Variants in SLC22A13 observed in about 807,000 individuals in gnomAD.
SLC22A13 encodes the protein solute carrier family 22 member 13, also known as organic anion transporter 10.
SLC22A13 carries 42 observed loss-of-function variants against 49.1 expected under a neutral mutation model. The ratio of observed to expected loss-of-function variants is 0.85; its 90% CI spans 0.67 to 1.11. The LOEUF is 1.11. Ranked by LOEUF, SLC22A13 falls within the 50% of genes least tolerant of loss-of-function variation. SLC22A13 has a pLI of 0.00. For missense variants in SLC22A13, 694 were observed against 712.8 expected (o/e 0.97, Z 0.30); for synonymous variants, 282 against 293.1 (o/e 0.96, Z 0.39).
In SLC22A13 at chr3:38,271,223, T is replaced by C. The variant is rs1703516459; in HGVS notation, c.379-3049T>C. 2.6e-5 allele frequency among the ~76,000 whole-genome samples: 4 copies of C among 152,250 alleles called. No homozygotes were observed. In the South Asian group the frequency reaches 8.3e-4, roughly 32 times the overall value. ...CTGTGTGCTCTTGAAGGTCAGAATA[T>C]GTTTCTCCTTTTCAACCTACATTTC... is the stretch of plus-strand genomic sequence containing the variant. On this transcript the variant is annotated intron_variant, in intron 1 of 9. Coordinates refer to ENST00000311856, the MANE Select transcript of SLC22A13 (RefSeq NM_004256.4).
chr3:38,271,005 T>C (rs1428130694), intron 1 of SLC22A13, among the ~76,000 whole-genome samples: 3 of 152,198 alleles, frequency 2.0e-5, no homozygotes, highest in African/African-American at 7.2e-5. Context: ...CCAAGCTCAG[T>C]TCCAGAGTGC....
chr3:38,273,367 T>C (rs915045251), intron 1 of SLC22A13, among the ~76,000 whole-genome samples: 19 of 152,194 alleles, frequency 1.2e-4, no homozygotes, highest in African/African-American at 4.3e-4. Context: ...GTCACACACC[T>C]GCACATTCTC....
intron 9 of SLC22A13, 36 bp downstream of exon 9, chr3:38,277,163 G>A: frequency 4.0e-6 from 6 of 1,493,780 alleles, no homozygotes; most frequent in Non-Finnish European, 5.5e-6. Flanking sequence ...CACGACTTGG[G>A]TCTCACATTG....
intron 1 of SLC22A13, among the ~76,000 whole-genome samples, chr3:38,273,097 G>A (rs555678210): frequency 1.3e-5 from 2 of 152,334 alleles, no homozygotes; most frequent in South Asian, 4.1e-4. Context: ...TGGGAAGCTG[G>A]AGGAGAGCTC....
At chr3:38,271,672 G>A (rs1439066022) in intron 1 of SLC22A13, among the ~76,000 whole-genome samples, 5 of 152,066 alleles carry the variant, frequency 3.3e-5, no homozygotes, top group Non-Finnish European at 7.3e-5. Context: ...AGTAGGAATA[G>A]GAGAGAAGGG....
chr3:38,273,626 A>C (rs1703544821), intron 1 of SLC22A13, among the ~76,000 whole-genome samples: 1 of 152,202 alleles, frequency 6.6e-6, no homozygotes, highest in East Asian at 1.9e-4. Context: ...GATTTGTCAC[A>C]GGGTTCCAAA....
chr3:38,266,301 T>G (rs1703464133), intron 1 of SLC22A13, 63 bp downstream of exon 1: 2 of 1,552,788 alleles, frequency 1.3e-6, no homozygotes, highest in African/African-American at 2.7e-5. Flanking sequence ...TGTGCCTGAC[T>G]CTTCGCCCTC....
In SLC22A13 at chr3:38,265,950, C is replaced by T; in HGVS notation, c.90C>T (p.Phe30=). The T allele has an allele frequency of 6.2e-7, 1 of 1,614,196 alleles. No individual in the cohort carries two copies. The highest frequency in any genetic ancestry group is 8.5e-7 in the Non-Finnish European group (1 of 1,180,034). ...QLLILLCVLN[F]LSPFYFFAHV... ...TGATCCTGCTGTGTGTTCTCAACTTCCTGTCTCCCTTCTACTTTTTTGCCC... is the reference window on the plus strand; with the variant it reads ...TGATCCTGCTGTGTGTTCTCAACTTTCTGTCTCCCTTCTACTTTTTTGCCC... The change falls in exon 1 of 10, where the codon TTC becomes TTT. Residue 30 remains phenylalanine, a synonymous_variant. Transcript: ENST00000311856.
In SLC22A13 at chr3:38,278,086, CA is replaced by C. The variant is rs1703607955; in HGVS notation, c.*623del. ...CCTTGTGTTCACTTCAAAGATGGCCCAACCCCCGCCCTACACTCAGCTCATG... is the reference window on the plus strand; with the variant it reads ...CCTTGTGTTCACTTCAAAGATGGCCCACCCCCGCCCTACACTCAGCTCATG... On this transcript the variant is annotated 3_prime_UTR_variant, in exon 10 of 10. Transcript: ENST00000311856. The C allele has an allele frequency of 1.3e-5, 2 of 152,344 alleles. No homozygotes were observed. Among genetic ancestry groups the C allele is most frequent in the Admixed American group, 1.3e-4 (2 of 15,280 alleles). 9.4% of individuals were successfully genotyped at this position (152,344 alleles called of 1,614,324 possible).
At chr3:38,276,134 C>T (rs1311456993) in intron 7 of SLC22A13, 38 bp downstream of exon 7, 1 of 1,567,318 alleles carries the variant, frequency 6.4e-7, no homozygotes, top group Non-Finnish European at 8.8e-7. Flanking sequence ...CATGCCCCCT[C>T]ACCCACCGGC....
chr3:38,268,825 T>C (rs1045127610), intron 1 of SLC22A13, among the ~76,000 whole-genome samples: 3 of 152,292 alleles, frequency 2.0e-5, no homozygotes, highest in Non-Finnish European at 2.9e-5. Flanking sequence ...TTTTCTAAAC[T>C]AGATCTAGGA....
chr3:38,278,190 C>G lies in SLC22A13; in HGVS notation c.*725C>G, dbSNP rs1159717555. ...TCTGCTCCCCGCCTCACCCCGCCTC[C>G]TCCTGCTCATGCTCAGCTGCTTCTG... On this transcript the variant is annotated 3_prime_UTR_variant, in exon 10 of 10. Coordinates refer to ENST00000311856, the MANE Select transcript of SLC22A13 (RefSeq NM_004256.4). 1 of 152,778 alleles carries G rather than the reference C, an allele frequency of 6.5e-6. No homozygotes were observed. The highest frequency in any genetic ancestry group is 1.5e-5 in the Non-Finnish European group (1 of 68,476). 9.5% of individuals were successfully genotyped at this position (152,778 alleles called of 1,614,324 possible).
Position 38,271,537 on chromosome 3 carries a change from T to C in SLC22A13, c.379-2735T>C, listed in dbSNP as rs868544460. 2.0e-3 allele frequency among the ~76,000 whole-genome samples: 271 copies of C among 135,724 alleles called. 1 individual carries two copies. Among genetic ancestry groups the C allele is most frequent in the African/African-American group, 7.9e-3 (264 of 33,212 alleles). The allele number at this position is 135,724 out of a possible 152,430, so 89.0% of individuals were successfully genotyped here. A position where few individuals can be genotyped will look rare whatever the true frequency, so the allele number is the denominator to read the frequency against. On this transcript the variant is annotated intron_variant, in intron 1 of 9. Transcript: ENST00000311856. ...ACTGCACTCCAGCCTGGGGAGACGCTTTCTCAAAAAAAAAAAAAAAAAAAA... is the reference window on the plus strand; with the variant it reads ...ACTGCACTCCAGCCTGGGGAGACGCCTTCTCAAAAAAAAAAAAAAAAAAAA...
At chr3:38,275,793 C>T in intron 6 of SLC22A13, 89 bp from the exon 7 acceptor site, 1 of 1,485,320 alleles carries the variant, frequency 6.7e-7, no homozygotes, top group Non-Finnish European at 9.3e-7. Flanking sequence ...TGCCAGTGTC[C>T]CCTGCTGTGA....
At chr3:38,271,441 C>T (rs1181704240) in intron 1 of SLC22A13, among the ~76,000 whole-genome samples, 4 of 149,730 alleles carry the variant, frequency 2.7e-5, no homozygotes, top group Non-Finnish European at 5.9e-5. Context: ...TGGCACATGC[C>T]TATAGTCTCA....
At position 38,266,115 on chromosome 3, in the gene SLC22A13, G is replaced by A; in HGVS notation, c.255G>A (p.Met85Ile). The change falls in exon 1 of 10, where the codon ATG (methionine) becomes ATA (isoleucine). Residue 85 changes from methionine (M) to isoleucine (I), a missense_variant. Physicochemically the swap from Met to Ile is conservative, Grantham distance 10 (BLOSUM62 1). Transcript: ENST00000311856. Reference sequence around the variant, plus strand: ...CAGGTCACCCAGAGCCCTGCCTCATGTTCCGGCCACCCCCCGCCAATGCCA... The same window carrying A: ...CAGGTCACCCAGAGCCCTGCCTCATATTCCGGCCACCCCCCGCCAATGCCA... Reference protein sequence around the residue: ...DTAGHPEPCLMFRPPPANASL... With the variant: ...DTAGHPEPCLIFRPPPANASL... 2 of 1,614,088 alleles carry A rather than the reference G, an allele frequency of 1.2e-6. No individual in the cohort carries two copies. The highest frequency in any genetic ancestry group is 1.3e-5 in the African/African-American group (1 of 75,014).
Position 38,276,086 on chromosome 3 carries a change from C to T in SLC22A13, c.1227C>T (p.Phe409=). 6.2e-7 allele frequency: 1 copy of T among 1,613,424 alleles called. No individual in the cohort carries two copies. Among genetic ancestry groups the T allele is most frequent in the Non-Finnish European group, 8.5e-7 (1 of 1,179,618 alleles). ...LGGLMCIIII[F]IPADLPVVVT... ...GCCTGATGTGTATCATCATCATCTT[C>T]ATCCCAGCAGGTATCAGGGCTGGCT... The change falls in exon 7 of 10, where the codon TTC becomes TTT. Residue 409 remains phenylalanine, a synonymous_variant. Coordinates refer to ENST00000311856, the MANE Select transcript of SLC22A13 (RefSeq NM_004256.4).
chr3:38,275,772 C>G, intron 6 of SLC22A13, 100 bp downstream of exon 6: 3 of 1,483,280 alleles, frequency 2.0e-6, no homozygotes, highest in Non-Finnish European at 2.8e-6. Flanking sequence ...GGGATGGTCT[C>G]TCCCTGGTTG....
intron 1 of SLC22A13, chr3:38,270,314 C>G: frequency 5.0e-6 from 1 of 201,714 alleles, no homozygotes; most frequent in Non-Finnish European, 1.1e-5. Context: ...GTGCAGAATG[C>G]TCTGCATACT....
Sources: gnomAD v4.1 joint callset for allele counts (sites outside exome capture counted in the v4.1 genomes callset) on GRCh38, gnomAD v4.1.1 for gene constraint, MANE v1.5 for transcripts, NCBI Gene and HGNC (gene_info 2026-07-23, HGNC 2026-07-21) for gene names.